The following NXPE2 variants were observed in gnomAD, a reference collection of about 807,000 sequenced individuals.
The protein encoded by NXPE2 is neurexophilin and PC-esterase domain family member 2.
In NXPE2, 34 loss-of-function variants were observed where a neutral mutation model predicts 34.4. The observed-to-expected ratio is 0.99, with a 90% CI of 0.75 to 1.31. NXPE2 has a LOEUF of 1.31. Among genes scored for constraint, NXPE2 ranks in the 40% most tolerant of loss-of-function variants. NXPE2 has a pLI of 0.00. For synonymous variants in NXPE2, 235 were observed against 231.3 expected (o/e 1.02, Z -0.15); for missense variants, 649 against 672.5 (o/e 0.97, Z 0.39).
the NXPE2 span, among the ~76,000 whole-genome samples, chr11:114,516,639 G>T: frequency 2.0e-5 from 3 of 152,032 alleles, no homozygotes; most frequent in Non-Finnish European, 4.4e-5. Context: ...TCTATATAAT[G>T]AGCCTTAACA....
chr11:114,558,952 A>G, the NXPE2 span, among the ~76,000 whole-genome samples: 133 of 152,292 alleles, frequency 8.7e-4, no homozygotes, highest in African/African-American at 3.0e-3. Context: ...TTACTATGAA[A>G]TGGTTAAGAA....
rs192760053 is a variant in NXPE2 at position 114,699,832 on chromosome 11, C to T, written c.866+1054C>T. Reference sequence around the variant, plus strand: ...TTTTTGAGACCGAGTCTCGCTCTGTCACCCAGGCTGGAGTGCAGTGGTGCG... The same window carrying T: ...TTTTTGAGACCGAGTCTCGCTCTGTTACCCAGGCTGGAGTGCAGTGGTGCG... On this transcript the variant is annotated intron_variant, in intron 3 of 5. Coordinates refer to ENST00000389586, the MANE Select transcript of NXPE2 (RefSeq NM_182495.6). Among the ~76,000 whole-genome samples, 100 of 149,204 alleles carry T rather than the reference C, an allele frequency of 6.7e-4. 1 individual carries two copies. In the East Asian group the frequency reaches 0.018, roughly 26 times the overall value.
the NXPE2 span, among the ~76,000 whole-genome samples, chr11:114,472,979 T>G: frequency 6.6e-6 from 1 of 152,162 alleles, no homozygotes; most frequent in South Asian, 2.1e-4. Context: ...CAAGTGCAAT[T>G]TTTTTTATCC....
the NXPE2 span, chr11:114,522,624 C>A: frequency 1.2e-6 from 1 of 845,614 alleles, no homozygotes; most frequent in Non-Finnish European, 1.8e-6. Context: ...AGCCTTTCTA[C>A]TCTCTAGGGT....
the NXPE2 span, among the ~76,000 whole-genome samples, chr11:114,783,530 AT>A: frequency 6.6e-6 from 1 of 152,138 alleles, no homozygotes; most frequent in Non-Finnish European, 1.5e-5. Context: ...AGTGACTCAA[AT>A]TTTTTTCCTC....
the NXPE2 span, among the ~76,000 whole-genome samples, chr11:114,526,122 G>A: frequency 6.6e-6 from 1 of 152,164 alleles, no homozygotes; most frequent in Non-Finnish European, 1.5e-5. Flanking sequence ...GAAGATAGAG[G>A]AAGAGGGCTG....
intron 2 of NXPE2, among the ~76,000 whole-genome samples, chr11:114,681,716 G>A (rs1156671410): frequency 6.6e-6 from 1 of 151,918 alleles, no homozygotes; most frequent in African/African-American, 2.4e-5. Flanking sequence ...AGAATTATAG[G>A]AGTTTCCCGT....
At chr11:114,752,732 G>A in the NXPE2 span, among the ~76,000 whole-genome samples, 3 of 152,176 alleles carry the variant, frequency 2.0e-5, no homozygotes, top group African/African-American at 4.8e-5. Context: ...ACGACTGTGG[G>A]AGTCTGGCAG....
At chr11:114,534,499 G>A in the NXPE2 span, among the ~76,000 whole-genome samples, 1 of 152,170 alleles carries the variant, frequency 6.6e-6, no homozygotes, top group South Asian at 2.1e-4. Context: ...GCTAAAGGAG[G>A]AAGTTCGAAT....
chr11:114,703,555 C>T (rs1215415978), intron 3 of NXPE2, among the ~76,000 whole-genome samples: 1 of 152,066 alleles, frequency 6.6e-6, no homozygotes. Flanking sequence ...AAACACTAGC[C>T]TTGGAAAGGG....
chr11:114,530,340 G>A, the NXPE2 span: 1 of 1,614,196 alleles, frequency 6.2e-7, no homozygotes, highest in Non-Finnish European at 8.5e-7. Context: ...TGAGTTTAGG[G>A]TCAGGCCACA....
the NXPE2 span, among the ~76,000 whole-genome samples, chr11:114,506,057 A>T: frequency 1.3e-5 from 2 of 152,132 alleles, no homozygotes; most frequent in Non-Finnish European, 2.9e-5. Flanking sequence ...AACAGAAAAA[A>T]AGCAGGGGTT....
At chr11:114,601,324 A>T in the NXPE2 span, among the ~76,000 whole-genome samples, 14 of 149,194 alleles carry the variant, frequency 9.4e-5, no homozygotes, top group African/African-American at 3.0e-4. Context: ...AATCCCACTT[A>T]TAAGTGAGAA....
chr11:114,604,298 G>C, the NXPE2 span, among the ~76,000 whole-genome samples: 2 of 152,122 alleles, frequency 1.3e-5, no homozygotes, highest in Admixed American at 1.3e-4. Flanking sequence ...TGCCTCGTGG[G>C]TAACAATTCT....
chr11:114,537,547 C>A, the NXPE2 span, among the ~76,000 whole-genome samples: 6 of 152,062 alleles, frequency 3.9e-5, no homozygotes, highest in South Asian at 2.1e-4. Flanking sequence ...GTCTCAGCCC[C>A]AAATCTCCTC....
At chr11:114,644,817 T>C in the NXPE2 span, among the ~76,000 whole-genome samples, 1 of 151,588 alleles carries the variant, frequency 6.6e-6, no homozygotes, top group East Asian at 1.9e-4. Flanking sequence ...CCCTGCCAGA[T>C]ATCAATTTAA....
At chr11:114,729,004 G>A in the NXPE2 span, among the ~76,000 whole-genome samples, 1 of 151,930 alleles carries the variant, frequency 6.6e-6, no homozygotes, top group Non-Finnish European at 1.5e-5. Flanking sequence ...CTCAGGTTTG[G>A]GATATGATTT....
the NXPE2 span, among the ~76,000 whole-genome samples, chr11:114,519,089 C>T: frequency 6.6e-6 from 1 of 152,106 alleles, no homozygotes; most frequent in South Asian, 2.1e-4. Context: ...ATAATGTGAC[C>T]AATTGACCCC....
chr11:114,615,792 A>G, the NXPE2 span, among the ~76,000 whole-genome samples: 6 of 150,136 alleles, frequency 4.0e-5, no homozygotes, highest in Non-Finnish European at 8.9e-5. Context: ...CTGTTACCCA[A>G]TGGATAATAA....
Sources: allele counts gnomAD v4.1 joint callset (sites outside exome capture counted in the v4.1 genomes callset), GRCh38; gene constraint gnomAD v4.1.1; transcripts MANE v1.5; gene names NCBI Gene and HGNC (gene_info 2026-07-23, HGNC 2026-07-21).